ANXA11: variants seen among roughly 807,000 people sequenced by gnomAD.
The protein encoded by ANXA11 is annexin A11.
A neutral mutation model predicts 64.7 loss-of-function variants in ANXA11; 57 were observed. That is an observed-to-expected ratio of 0.88 (90% CI 0.71 to 1.10). The LOEUF is 1.10. Ranked by LOEUF, ANXA11 falls within the 50% of genes least tolerant of loss-of-function variation. The pLI, the probability that ANXA11 is intolerant of heterozygous loss-of-function variation, is 0.00. For synonymous variants in ANXA11, 260 were observed against 265.2 expected (o/e 0.98, Z 0.19); for missense variants, 675 against 670.7 (o/e 1.01, Z -0.07).
At chr10:80,158,258 C>T (rs746493370) in intron 13 of ANXA11, among the ~76,000 whole-genome samples, 12 of 152,208 alleles carry the variant, frequency 7.9e-5, no homozygotes, top group Non-Finnish European at 1.6e-4. Flanking sequence ...CTGGCAACCA[C>T]TGCGGTGAAA....
At chr10:80,156,572 G>T in intron 15 of ANXA11, 1 of 432,634 alleles carries the variant, frequency 2.3e-6, no homozygotes. Context: ...GAAGTGGAAT[G>T]GCGTGATCCC....
At chr10:80,193,654 G>A (rs1215419172) in intron 1 of ANXA11, among the ~76,000 whole-genome samples, 2 of 151,734 alleles carry the variant, frequency 1.3e-5, no homozygotes, top group Non-Finnish European at 2.9e-5. Flanking sequence ...GACCAGCCTG[G>A]CAAACATGTC....
At chr10:80,193,606 G>T (rs1174633934) in intron 1 of ANXA11, among the ~76,000 whole-genome samples, 1 of 151,994 alleles carries the variant, frequency 6.6e-6, no homozygotes, top group Admixed American at 6.5e-5. Flanking sequence ...CACTTTGGGA[G>T]GCTGAGGCAG....
chr10:80,157,312 G>A (rs1845312399), intron 15 of ANXA11: 1 of 985,302 alleles, frequency 1.0e-6, no homozygotes, highest in Admixed American at 6.1e-5. Flanking sequence ...GAGCTCCACA[G>A]AGCCTTTGGG....
In ANXA11 at chr10:80,160,476, C is replaced by T. The variant is rs576432762; in HGVS notation, c.1181-1281G>A. Among the ~76,000 whole-genome samples, 4 of 152,244 alleles carry T rather than the reference C, an allele frequency of 2.6e-5. No individual in the cohort carries two copies. In the South Asian group the frequency reaches 6.2e-4, roughly 24 times the overall value. ...GTCTCTGTGTGCAGCACAGAGCGGTCGCTGGGTTTTCACCCTCACTGCCCA... is the reference window on the plus strand; with the variant it reads ...GTCTCTGTGTGCAGCACAGAGCGGTTGCTGGGTTTTCACCCTCACTGCCCA... On this transcript the variant is annotated intron_variant, in intron 12 of 15. Coordinates refer to ENST00000422982, the MANE Select transcript of ANXA11 (RefSeq NM_145868.2).
chr10:80,166,869 C>T (rs374640801), intron 7 of ANXA11, 21 bp downstream of exon 7: 75 of 1,578,598 alleles, frequency 4.8e-5, no homozygotes, highest in African/African-American at 2.7e-4. Context: ...CACTGTCCCG[C>T]GCCCCCACCC....
At chr10:80,195,486 C>G (rs936503097) in intron 1 of ANXA11, among the ~76,000 whole-genome samples, 1 of 152,178 alleles carries the variant, frequency 6.6e-6, no homozygotes, top group African/African-American at 2.4e-5. Flanking sequence ...CAGAAGGTAC[C>G]TCAGGGACAT....
chr10:80,168,943 A>G (rs764141488), intron 5 of ANXA11, 26 bp downstream of exon 5: 2 of 1,501,122 alleles, frequency 1.3e-6, no homozygotes, highest in South Asian at 1.4e-5. Flanking sequence ...GGCCTGGACC[A>G]AGGGAGGCAG....
chr10:80,190,385 A>G (rs1164092126), intron 1 of ANXA11, among the ~76,000 whole-genome samples: 4 of 152,148 alleles, frequency 2.6e-5, no homozygotes, highest in Admixed American at 6.5e-5. Flanking sequence ...GGTGATGGAT[A>G]TATTAACTAG....
At chr10:80,161,630 T>G (rs2132377112) in intron 12 of ANXA11, among the ~76,000 whole-genome samples, 1 of 152,368 alleles carries the variant, frequency 6.6e-6, no homozygotes, top group East Asian at 1.9e-4. Context: ...TGACTGTTTC[T>G]TATGCCAGGC....
At position 80,155,310 on chromosome 10, in the gene ANXA11, T is replaced by C. The variant is rs911102106; in HGVS notation, c.*543A>G. 1 of 152,248 alleles carries C rather than the reference T, an allele frequency of 6.6e-6. No individual in the cohort carries two copies. The highest frequency in any genetic ancestry group is 1.5e-5 in the Non-Finnish European group (1 of 68,024). 9.4% of individuals were successfully genotyped at this position (152,248 alleles called of 1,614,324 possible). ...ATGACTTTCTGGCCCTTTTTTTTTG[T>C]TTTTTCTAAAAAGGAGTGAGTTTGG... On this transcript the variant is annotated 3_prime_UTR_variant, in exon 16 of 16. Transcript: ENST00000422982.
At chr10:80,170,026 T>G (rs1845910507) in intron 4 of ANXA11, among the ~76,000 whole-genome samples, 2 of 152,170 alleles carry the variant, frequency 1.3e-5, no homozygotes, top group Admixed American at 6.5e-5. Flanking sequence ...CCCACCTTAC[T>G]GCTAACTTAA....
chr10:80,178,303 G>A (rs1040349887), intron 1 of ANXA11, among the ~76,000 whole-genome samples: 1 of 152,170 alleles, frequency 6.6e-6, no homozygotes, highest in African/African-American at 2.4e-5. Context: ...CATGGGGCAA[G>A]AGACATGCTT....
Position 80,155,321 on chromosome 10 carries a change from A to G in ANXA11, c.*532T>C, listed in dbSNP as rs1845236535. 6.5e-6 allele frequency: 1 copy of G among 152,726 alleles called. No homozygotes were observed. Among genetic ancestry groups the G allele is most frequent in the Non-Finnish European group, 1.5e-5 (1 of 68,188 alleles). 9.5% of individuals were successfully genotyped at this position (152,726 alleles called of 1,614,324 possible). A position where few individuals can be genotyped will look rare whatever the true frequency, so the allele number is the denominator to read the frequency against. On this transcript the variant is annotated 3_prime_UTR_variant, in exon 16 of 16. Transcript: ENST00000422982. ...GCCCTTTTTTTTTGTTTTTTCTAAA[A>G]AGGAGTGAGTTTGGCAGTAACAAAG...
At position 80,155,520 on chromosome 10, in the gene ANXA11, T is replaced by C; in HGVS notation, c.*333A>G. On this transcript the variant is annotated 3_prime_UTR_variant, in exon 16 of 16. Transcript: ENST00000422982. ...TGACTGTAAGAAAAGAAAATATGCCTCCAAATAAAAATATACAATTACATG... is the reference window on the plus strand; with the variant it reads ...TGACTGTAAGAAAAGAAAATATGCCCCCAAATAAAAATATACAATTACATG... The C allele has an allele frequency of 3.2e-6, 1 of 310,972 alleles. No individual in the cohort carries two copies. The highest frequency in any genetic ancestry group is 6.0e-6 in the Non-Finnish European group (1 of 167,594). The allele number at this position is 310,972 out of a possible 1,614,324, so 19.3% of individuals were successfully genotyped here. A position where few individuals can be genotyped will look rare whatever the true frequency, so the allele number is the denominator to read the frequency against.
Position 80,205,337 on chromosome 10 carries a change from A to C in ANXA11, c.-58+6T>G, listed in dbSNP as rs1199858411. The C allele has an allele frequency of 6.6e-6, 1 of 151,352 alleles. No homozygotes were observed. Among genetic ancestry groups the C allele is most frequent in the Non-Finnish European group, 1.5e-5 (1 of 67,824 alleles). The allele number at this position is 151,352 out of a possible 1,614,324, so 9.4% of individuals were successfully genotyped here. ...GGCCCCCAGCCGGCTCGGGACCCTC[A>C]CTCACCTGGCCACGGGGACTCCGGA... On this transcript the variant is annotated splice_donor_region_variant and intron_variant, in intron 1 of 15. Transcript: ENST00000422982.
chr10:80,199,365 G>A (rs1216498348), intron 1 of ANXA11, among the ~76,000 whole-genome samples: 1 of 152,090 alleles, frequency 6.6e-6, no homozygotes, highest in African/African-American at 2.4e-5. Context: ...CTAAAGTGCT[G>A]GGATTACAGG....
chr10:80,156,357 G>T (rs1845275177), intron 15 of ANXA11: 1 of 469,180 alleles, frequency 2.1e-6, no homozygotes, highest in Non-Finnish European at 4.4e-6. Context: ...TCTCTCCTCT[G>T]TCTGAGGCCA....
chr10:80,160,032 T>C (rs1845442584), intron 12 of ANXA11, among the ~76,000 whole-genome samples: 1 of 152,210 alleles, frequency 6.6e-6, no homozygotes. Context: ...ACAGGTGGCA[T>C]GATGGAGACC....
Sources: gnomAD v4.1 joint callset for allele counts (sites outside exome capture counted in the v4.1 genomes callset) on GRCh38, gnomAD v4.1.1 for gene constraint, MANE v1.5 for transcripts, NCBI Gene and HGNC (gene_info 2026-07-23, HGNC 2026-07-21) for gene names.